DEPTOR: variants seen among roughly 807,000 people sequenced by gnomAD.
DEPTOR encodes DEP domain containing MTOR interacting protein.
Under a neutral mutation model 41.6 loss-of-function variants are expected in DEPTOR, and 41 were observed. That is an observed-to-expected ratio of 0.98 (90% CI 0.77 to 1.28). DEPTOR has a LOEUF of 1.28. DEPTOR is among the 50% of genes most tolerant of loss of function. The pLI is 0.00. For synonymous variants in DEPTOR, 195 were observed against 192.3 expected, an observed-to-expected ratio of 1.01 and a Z score of -0.12; for missense variants, 514 against 527.9, an observed-to-expected ratio of 0.97 and a Z score of 0.26.
chr8:119,930,939 C>T (rs1337322029), intron 3 of DEPTOR, among the ~76,000 whole-genome samples: 5 of 152,068 alleles, frequency 3.3e-5, no homozygotes, highest in East Asian at 3.9e-4. Context: ...CGGCCAGGCA[C>T]GGTGGCTTAT....
intron 8 of DEPTOR, among the ~76,000 whole-genome samples, chr8:120,048,042 A>C (rs1813179583): frequency 6.6e-6 from 1 of 152,222 alleles, no homozygotes; most frequent in African/African-American, 2.4e-5. Context: ...CAAAAAAAAA[A>C]AAAAGTAAAT....
intron 3 of DEPTOR, among the ~76,000 whole-genome samples, chr8:119,962,144 C>T (rs1289955364): frequency 6.6e-6 from 1 of 150,448 alleles, no homozygotes; most frequent in Admixed American, 6.6e-5. Flanking sequence ...GTAGTTCCAG[C>T]TACTTGGGAG....
intron 7 of DEPTOR, among the ~76,000 whole-genome samples, chr8:120,008,178 C>T (rs1812473717): frequency 6.6e-6 from 1 of 152,080 alleles, no homozygotes; most frequent in South Asian, 2.1e-4. Flanking sequence ...TGTACTTTTT[C>T]ACTTCTTTTC....
intron 4 of DEPTOR, among the ~76,000 whole-genome samples, chr8:119,995,817 C>T (rs1355337526): frequency 6.6e-6 from 1 of 152,068 alleles, no homozygotes; most frequent in Non-Finnish European, 1.5e-5. Flanking sequence ...AGTAGGTGCT[C>T]AGTTTGTCAA....
chr8:119,901,023 C>A (rs1827583325), intron 1 of DEPTOR, among the ~76,000 whole-genome samples: 1 of 152,080 alleles, frequency 6.6e-6, no homozygotes, highest in Non-Finnish European at 1.5e-5. Flanking sequence ...ATTTCATTCT[C>A]CTCTTTCCTT....
At chr8:119,902,004 G>A (rs1201087855) in intron 1 of DEPTOR, among the ~76,000 whole-genome samples, 3 of 150,302 alleles carry the variant, frequency 2.0e-5, no homozygotes, top group African/African-American at 4.9e-5. Flanking sequence ...ATGAACATCC[G>A]CTAACATTTA....
intron 3 of DEPTOR, among the ~76,000 whole-genome samples, chr8:119,941,525 C>G (rs1828204073): frequency 6.6e-6 from 1 of 151,956 alleles, no homozygotes; most frequent in East Asian, 1.9e-4. Context: ...AGTGTACTGG[C>G]AAGCAAGAGA....
chr8:120,040,648 A>C (rs6997897), intron 8 of DEPTOR, among the ~76,000 whole-genome samples: 5,926 of 131,750 alleles, frequency 0.045, 396 homozygotes, highest in African/African-American at 0.17. Flanking sequence ...GCAGTGAAAA[A>C]TGGCCCAAAT....
chr8:119,888,390 T>C (rs1251783840), intron 1 of DEPTOR, among the ~76,000 whole-genome samples: 1 of 152,110 alleles, frequency 6.6e-6, no homozygotes, highest in African/African-American at 2.4e-5. Flanking sequence ...TTGGCAGAAG[T>C]GTCGAAAAGC....
chr8:119,948,319 G>C (rs182187381), intron 3 of DEPTOR, among the ~76,000 whole-genome samples: 232 of 152,228 alleles, frequency 1.5e-3, no homozygotes, highest in African/African-American at 5.2e-3. Context: ...GGCTGAGGCA[G>C]GAAAATCTCT....
chr8:119,890,296 T>TTTGTTTGTTG (rs767181814), intron 1 of DEPTOR, among the ~76,000 whole-genome samples: 9 of 150,636 alleles, frequency 6.0e-5, no homozygotes, highest in Admixed American at 4.6e-4. Context: ...TGTTTGTTTG[T>TTTGTTTGTTG]TTGTTGTTGT....
intron 4 of DEPTOR, among the ~76,000 whole-genome samples, chr8:119,988,798 A>G (rs913466846): frequency 6.6e-6 from 1 of 152,006 alleles, no homozygotes; most frequent in Admixed American, 6.6e-5. Flanking sequence ...GGCCTTTTAC[A>G]TATGTTGTTT....
chr8:119,892,324 G>C (rs1012718941), intron 1 of DEPTOR, among the ~76,000 whole-genome samples: 2 of 152,154 alleles, frequency 1.3e-5, no homozygotes, highest in African/African-American at 4.8e-5. Flanking sequence ...TTATCAAGGT[G>C]TCAATATTTT....
At chr8:119,884,736 T>C (rs987700607) in intron 1 of DEPTOR, among the ~76,000 whole-genome samples, 4 of 151,852 alleles carry the variant, frequency 2.6e-5, no homozygotes, top group African/African-American at 9.7e-5. Context: ...TTGTTTTTCT[T>C]TTTTGGAGAT....
intron 1 of DEPTOR, among the ~76,000 whole-genome samples, chr8:119,906,684 T>C (rs1194402393): frequency 6.6e-6 from 1 of 152,076 alleles, no homozygotes; most frequent in African/African-American, 2.4e-5. Context: ...ATTTTCCCTA[T>C]TGCTGGACCA....
intron 8 of DEPTOR, among the ~76,000 whole-genome samples, chr8:120,019,265 A>G (rs1812660063): frequency 6.6e-6 from 1 of 152,166 alleles, no homozygotes; most frequent in Non-Finnish European, 1.5e-5. Flanking sequence ...AGATTGCGCC[A>G]CTGCACTCCA....
chr8:120,048,434 T>C (rs1451224597), intron 8 of DEPTOR, among the ~76,000 whole-genome samples: 2 of 152,216 alleles, frequency 1.3e-5, no homozygotes, highest in Non-Finnish European at 2.9e-5. Flanking sequence ...ACCTTGATTA[T>C]GACTGTGACC....
chr8:119,938,832 C>A lies in DEPTOR; in HGVS notation c.425+8894C>A, dbSNP rs141099698. 6.8e-3 allele frequency among the ~76,000 whole-genome samples: 1,033 copies of A among 151,758 alleles called. 10 individuals are homozygous for A. Among genetic ancestry groups the A allele is most frequent in the African/African-American group, 0.023 (946 of 41,396 alleles). On this transcript the variant is annotated intron_variant, in intron 3 of 8. Transcript: ENST00000286234. ...GCCTGCCTGCCTGCCTTCCTTCTTTCCTTCCTTCCTCCCTCCCTCCCTCCC... is the reference window on the plus strand; with the variant it reads ...GCCTGCCTGCCTGCCTTCCTTCTTTACTTCCTTCCTCCCTCCCTCCCTCCC...
chr8:119,875,278 C>T (rs1473275778), intron 1 of DEPTOR, among the ~76,000 whole-genome samples: 2 of 151,994 alleles, frequency 1.3e-5, no homozygotes, highest in Admixed American at 6.6e-5. Flanking sequence ...AGTCTAAAAA[C>T]GGAGTCAGCA....
Sources: gnomAD v4.1 joint callset for allele counts (sites outside exome capture counted in the v4.1 genomes callset) on GRCh38, gnomAD v4.1.1 for gene constraint, MANE v1.5 for transcripts, NCBI Gene and HGNC (gene_info 2026-07-23, HGNC 2026-07-21) for gene names.